P3H3: variants seen among roughly 807,000 people sequenced by gnomAD.
P3H3 encodes gene rich cluster, B.
P3H3 carries 64 observed loss-of-function variants against 78.1 expected under a neutral mutation model. That is an observed-to-expected ratio of 0.82 (90% CI 0.67 to 1.01). The LOEUF (loss-of-function observed/expected upper bound fraction) is 1.01, where lower values mean the gene tolerates loss of function less well. P3H3 is among the 50% of genes least tolerant of loss of function. The pLI is 0.00. For missense variants in P3H3, 975 were observed against 982.2 expected, an observed-to-expected ratio of 0.99 and a Z score of 0.10; for synonymous variants, 425 against 416.7, an observed-to-expected ratio of 1.02 and a Z score of -0.24.
chr12:6,834,029 G>A lies in P3H3; in HGVS notation c.1438G>A (p.Val480Met). 2 of 1,613,680 alleles carry A rather than the reference G, an allele frequency of 1.2e-6. No homozygotes were observed. The highest frequency in any genetic ancestry group is 1.7e-6 in the Non-Finnish European group (2 of 1,179,876). ...DGLLTPAECGVLLQLAKDAAG... is the reference protein window; with the variant it reads ...DGLLTPAECGMLLQLAKDAAG... ...GCTGCTCACCCCAGCCGAGTGTGGG[G>A]TGCTGCTGCAGCTGGCTAAGGTAGG... Residue 480 changes from valine (V) to methionine (M), a missense_variant, in exon 9 of 15, where the codon GTG becomes ATG. Coordinates refer to ENST00000290510, the MANE Select transcript of P3H3 (RefSeq NM_014262.5).
chr12:6,829,006 C>A lies in P3H3; in HGVS notation c.498+68C>A. Reference sequence around the variant, plus strand: ...CACGACGCTGTCCTACTTTGCGTTGCCCAGGAGTAGGCGGAATGCTGTTGC... The same window carrying A: ...CACGACGCTGTCCTACTTTGCGTTGACCAGGAGTAGGCGGAATGCTGTTGC... On this transcript the variant is annotated intron_variant, in intron 1 of 14. Coordinates refer to ENST00000290510, the MANE Select transcript of P3H3 (RefSeq NM_014262.5). This position sits in a 1 kb window ranked among gnomAD's most constrained non-coding sequence, Gnocchi z 5.1. The A allele has an allele frequency of 1.1e-6, 1 of 945,264 alleles. No homozygotes were observed. The highest frequency in any genetic ancestry group is 1.4e-6 in the Non-Finnish European group (1 of 725,992). The allele number at this position is 945,264 out of a possible 1,614,324, so 58.6% of individuals were successfully genotyped here. A position where few individuals can be genotyped will look rare whatever the true frequency, so the allele number is the denominator to read the frequency against.
intron 13 of P3H3, among the ~76,000 whole-genome samples, chr12:6,838,484 T>C (rs1555122556): frequency 6.6e-6 from 1 of 152,162 alleles, no homozygotes; most frequent in Non-Finnish European, 1.5e-5. Flanking sequence ...TAGGAAGTAA[T>C]TTAGGTAATG....
Position 6,829,704 on chromosome 12 carries a change from A to T in P3H3, c.499-155A>T. ...ACGTTCTGGCCTCTAGGGGATCTGC[A>T]GTTCGGGCGGTGGGCGGTTCTGATT... On this transcript the variant is annotated intron_variant, in intron 1 of 14. Transcript: ENST00000290510. This position sits in a 1 kb window ranked among gnomAD's most constrained non-coding sequence, Gnocchi z 5.1. 1 of 724,274 alleles carries T rather than the reference A, an allele frequency of 1.4e-6. No individual in the cohort carries two copies. Among genetic ancestry groups the T allele is most frequent in the South Asian group, 1.6e-5 (1 of 63,920 alleles). 44.9% of individuals were successfully genotyped at this position (724,274 alleles called of 1,614,324 possible).
chr12:6,831,375 C>G lies in P3H3; in HGVS notation c.1122+23C>G. 6.2e-7 allele frequency: 1 copy of G among 1,613,022 alleles called. No homozygotes were observed. Among genetic ancestry groups the G allele is most frequent in the Non-Finnish European group, 8.5e-7 (1 of 1,179,758 alleles). ...GAGGTAATCCCCTCTCCACGCTCAC[C>G]TGGGAGGTAGCCCCAAATCAAACAA... On this transcript the variant is annotated intron_variant, in intron 5 of 14. Coordinates refer to ENST00000290510, the MANE Select transcript of P3H3 (RefSeq NM_014262.5). The surrounding 1 kb of genome is among the most constrained non-coding windows in gnomAD (Gnocchi z 4.6).
chr12:6,837,979 T>A lies in P3H3; in HGVS notation c.1851T>A (p.Asp617Glu), dbSNP rs1406523744. The A allele has an allele frequency of 6.2e-7, 1 of 1,608,670 alleles. No homozygotes were observed. Among genetic ancestry groups the A allele is most frequent in the African/African-American group, 1.3e-5 (1 of 74,826 alleles). ...CCAGCGGACTCCTCTACCTCAACGA[T>A]GACTTCCAGGGTGGGGACCTGTTCT... ...RDYSGLLYLN[D>E]DFQGGDLFFT... Residue 617 changes from aspartate (D) to glutamate (E), a missense_variant, in exon 13 of 15, where the codon GAT (aspartate) becomes GAA (glutamate). Asp to Glu is a conservative substitution (Grantham distance 45). Transcript: ENST00000290510.
At chr12:6,830,140 G>T (rs1327396758) in intron 2 of P3H3, 129 bp downstream of exon 2, 24 of 1,252,510 alleles carry the variant, frequency 1.9e-5, no homozygotes, top group Non-Finnish European at 2.7e-5. Context: ...GACCCTGGCT[G>T]GGAGTCCTTC....
Position 6,830,076 on chromosome 12 carries a change from A to G in P3H3, c.651+65A>G, listed in dbSNP as rs1565511210. The stretch of plus-strand genomic sequence containing the variant: ...TTTCCTGGCTGGATACACAGGCCTC[A>G]CTAAACTGTGCGTTGTGCTGCTTGA... On this transcript the variant is annotated intron_variant, in intron 2 of 14. Transcript: ENST00000290510. 5.0e-6 allele frequency: 8 copies of G among 1,590,640 alleles called. No homozygotes were observed. The East Asian group carries it at 1.6e-4, about 31-fold the overall frequency.
chr12:6,828,744 G>A lies in P3H3; in HGVS notation c.304G>A (p.Gly102Arg). The A allele has an allele frequency of 1.6e-6, 2 of 1,244,926 alleles. No individual in the cohort carries two copies. The highest frequency in any genetic ancestry group is 2.0e-6 in the Non-Finnish European group (2 of 994,918). The allele number at this position is 1,244,926 out of a possible 1,614,324, so 77.1% of individuals were successfully genotyped here. ...VLLGAPEPDS[G>R]PGPTQGSWER... ...TCTCGGGGCCCCGGAGCCCGACTCC[G>A]GGCCGGGACCCACGCAGGGGTCCTG... Residue 102 changes from glycine (G) to arginine (R), a missense_variant, in exon 1 of 15, where the codon GGG (glycine) becomes AGG (arginine). By Grantham distance (125) the Gly-to-Arg change is moderately radical (BLOSUM62 -2). Coordinates refer to ENST00000290510, the MANE Select transcript of P3H3 (RefSeq NM_014262.5).
Position 6,828,775 on chromosome 12 carries a change from G to C in P3H3, c.335G>C (p.Arg112Pro). 8.0e-7 allele frequency: 1 copy of C among 1,242,322 alleles called. No individual in the cohort carries two copies. Among genetic ancestry groups the C allele is most frequent in the Non-Finnish European group, 1.0e-6 (1 of 993,058 alleles). The allele number at this position is 1,242,322 out of a possible 1,614,324, so 77.0% of individuals were successfully genotyped here. A position where few individuals can be genotyped will look rare whatever the true frequency, so the allele number is the denominator to read the frequency against. Residue 112 changes from arginine to proline, a missense_variant, in exon 1 of 15, where the codon CGA (arginine) becomes CCA (proline). Transcript: ENST00000290510. ...GPGPTQGSWE[R>P]QLLRAALRRA... is the part of the protein sequence containing the mutation. ...GGACCCACGCAGGGGTCCTGGGAGC[G>C]ACAGCTTCTCCGTGCAGCGCTCCGC...
Position 6,828,675 on chromosome 12 carries a change from G to A in P3H3, c.235G>A (p.Ala79Thr). The change falls in exon 1 of 15, where the codon GCG (alanine) becomes ACG (threonine). Residue 79 changes from alanine (A) to threonine (T), a missense_variant. Physicochemically the swap from Ala to Thr is moderately conservative, Grantham distance 58 (BLOSUM62 0). Coordinates refer to ENST00000290510, the MANE Select transcript of P3H3 (RefSeq NM_014262.5). ...GGGCCGGGTGCGGCTGGATTGCGGG[G>A]CGAGCTGCGCGGCCGATCCGGGCGC... ...ALGRVRLDCG[A>T]SCAADPGAAL... is the part of the protein sequence containing the mutation. 2 of 1,237,182 alleles carry A rather than the reference G, an allele frequency of 1.6e-6. No individual in the cohort carries two copies. The highest frequency in any genetic ancestry group is 2.0e-6 in the Non-Finnish European group (2 of 990,618). The allele number at this position is 1,237,182 out of a possible 1,614,324, so 76.6% of individuals were successfully genotyped here.
At chr12:6,838,078 G>A in intron 13 of P3H3, 45 bp downstream of exon 13, 1 of 1,563,690 alleles carries the variant, frequency 6.4e-7, no homozygotes, top group Non-Finnish European at 8.7e-7. Flanking sequence ...GGGCCCAGCT[G>A]TGGGGTCAGG....
At chr12:6,837,128 T>G in intron 10 of P3H3, 42 bp downstream of exon 10, 1 of 1,514,064 alleles carries the variant, frequency 6.6e-7, no homozygotes, top group South Asian at 1.1e-5. Context: ...TGCCCAGACC[T>G]GGAGGAGAGG....
Position 6,830,503 on chromosome 12 carries a change from G to C in P3H3, c.802G>C (p.Glu268Gln), listed in dbSNP as rs781850014. The C allele has an allele frequency of 4.4e-6, 7 of 1,583,502 alleles. No individual in the cohort carries two copies. The highest frequency in any genetic ancestry group is 6.0e-6 in the Non-Finnish European group (7 of 1,165,748). Reference protein sequence around the residue: ...EGPEEQQGAEEEEDGAASQGG... With the variant: ...EGPEEQQGAEQEEDGAASQGG... ...GCCTGAGGAGCAGCAGGGGGCTGAA[G>C]AAGAGGAGGATGGGGCTGCGAGCCA... is the stretch of plus-strand genomic sequence containing the variant. The change falls in exon 3 of 15, where the codon GAA becomes CAA. Residue 268 changes from glutamate to glutamine, a missense_variant. By Grantham distance (29) the Glu-to-Gln change is conservative. Coordinates refer to ENST00000290510, the MANE Select transcript of P3H3 (RefSeq NM_014262.5).
At position 6,838,044 on chromosome 12, in the gene P3H3, T is replaced by A; in HGVS notation, c.1905+11T>A. 6.3e-7 allele frequency: 1 copy of A among 1,592,596 alleles called. No individual in the cohort carries two copies. On this transcript the variant is annotated intron_variant, in intron 13 of 14. Coordinates refer to ENST00000290510, the MANE Select transcript of P3H3 (RefSeq NM_014262.5). Reference sequence around the variant, plus strand: ...GCCCTCACTGTCACGGTGCGTGGAGTGGGGGGTGTGACGGTGTGACAAAGG... The same window carrying A: ...GCCCTCACTGTCACGGTGCGTGGAGAGGGGGGTGTGACGGTGTGACAAAGG...
Position 6,828,729 on chromosome 12 carries a change from C to T in P3H3, c.289C>T (p.Pro97Ser). The part of the protein sequence containing the change: ...AALPAVLLGA[P>S]EPDSGPGPTQ... Reference sequence around the variant, plus strand: ...GCTCCCCGCCGTGCTTCTCGGGGCCCCGGAGCCCGACTCCGGGCCGGGACC... The same window carrying T: ...GCTCCCCGCCGTGCTTCTCGGGGCCTCGGAGCCCGACTCCGGGCCGGGACC... Residue 97 changes from proline (P) to serine (S), a missense_variant, in exon 1 of 15, where the codon CCG (proline) becomes TCG (serine). Physicochemically the swap from Pro to Ser is moderately conservative, Grantham distance 74. Transcript: ENST00000290510. The T allele has an allele frequency of 1.6e-6, 2 of 1,247,032 alleles. No individual in the cohort carries two copies. The highest frequency in any genetic ancestry group is 2.0e-6 in the Non-Finnish European group (2 of 996,636). The allele number at this position is 1,247,032 out of a possible 1,614,324, so 77.2% of individuals were successfully genotyped here.
rs1390622140 is a variant in P3H3, at chr12:6,837,982, C to G, written c.1854C>G (p.Asp618Glu). 4.4e-6 allele frequency: 7 copies of G among 1,608,824 alleles called. No homozygotes were observed. The highest frequency in any genetic ancestry group is 5.9e-6 in the Non-Finnish European group (7 of 1,177,530). ...GCGGACTCCTCTACCTCAACGATGACTTCCAGGGTGGGGACCTGTTCTTCA... is the reference window on the plus strand; with the variant it reads ...GCGGACTCCTCTACCTCAACGATGAGTTCCAGGGTGGGGACCTGTTCTTCA... ...DYSGLLYLND[D>E]FQGGDLFFTE... Residue 618 changes from aspartate (D) to glutamate (E), a missense_variant, in exon 13 of 15, where the codon GAC (aspartate) becomes GAG (glutamate). By Grantham distance (45) the Asp-to-Glu change is conservative (BLOSUM62 2). Transcript: ENST00000290510.
intron 7 of P3H3, 22 bp from the exon 8 acceptor site, chr12:6,833,720 G>A: frequency 6.2e-7 from 1 of 1,601,650 alleles, no homozygotes; most frequent in Non-Finnish European, 8.6e-7. Context: ...GGCACCCACT[G>A]AGCGCATCTC....
chr12:6,831,605 T>C lies in P3H3; in HGVS notation c.1123-220T>C, dbSNP rs782253386. Among the ~76,000 whole-genome samples the C allele has an allele frequency of 6.6e-6, 1 of 152,074 alleles. No homozygotes were observed. The highest frequency in any genetic ancestry group is 1.5e-5 in the Non-Finnish European group (1 of 67,964). On this transcript the variant is annotated intron_variant, in intron 5 of 14. Coordinates refer to ENST00000290510, the MANE Select transcript of P3H3 (RefSeq NM_014262.5). This position sits in a 1 kb window ranked among gnomAD's most constrained non-coding sequence, Gnocchi z 4.6. ...TGCCTGCCACCAGCCCCCAAACTCA[T>C]GCATACACACACCCACACACTCACA... is the stretch of plus-strand genomic sequence containing the variant.
rs1943447321 is a variant in P3H3 at position 6,831,183 on chromosome 12, C to T, written c.986-33C>T. ...GATCAATGTGCTCTAAGTATTCATC[C>T]CCCAACCCCTGACCTTGTCGCTCCC... On this transcript the variant is annotated intron_variant, in intron 4 of 14. Coordinates refer to ENST00000290510, the MANE Select transcript of P3H3 (RefSeq NM_014262.5). The surrounding 1 kb of genome is among the most constrained non-coding windows in gnomAD (Gnocchi z 4.6). The T allele has an allele frequency of 6.2e-7, 1 of 1,613,310 alleles. No homozygotes were observed. The highest frequency in any genetic ancestry group is 8.5e-7 in the Non-Finnish European group (1 of 1,179,608).
Sources: allele counts gnomAD v4.1 joint callset (sites outside exome capture counted in the v4.1 genomes callset), GRCh38; gene constraint gnomAD v4.1.1; non-coding constraint Gnocchi (gnomAD v3.1); transcripts MANE v1.5; gene names NCBI Gene and HGNC (gene_info 2026-07-23, HGNC 2026-07-21).